Variants in ADGRA3 observed in about 807,000 individuals in gnomAD.
ADGRA3 encodes adhesion G protein-coupled receptor A3.
A neutral mutation model predicts 119.8 loss-of-function variants in ADGRA3; 56 were observed. The observed-to-expected ratio is 0.47, with a 90% CI of 0.38 to 0.58. The LOEUF is 0.58. Among genes scored for constraint, ADGRA3 ranks in the 20% least tolerant of loss-of-function variants. The pLI is 0.00. For missense variants in ADGRA3, 1,516 were observed against 1,649.0 expected, an observed-to-expected ratio of 0.92 and a Z score of 1.40; for synonymous variants, 607 against 623.8, an observed-to-expected ratio of 0.97 and a Z score of 0.40.
At chr4:22,455,390 G>A (rs951200275) in intron 3 of ADGRA3, among the ~76,000 whole-genome samples, 4 of 151,770 alleles carry the variant, frequency 2.6e-5, no homozygotes, top group East Asian at 1.9e-4. Context: ...TCATTTCCTC[G>A]GAAACATCTG....
rs141881806 is a variant in ADGRA3 at position 22,419,725 on chromosome 4, T to C, written c.1809+1161A>G. 5.0e-3 allele frequency among the ~76,000 whole-genome samples: 767 copies of C among 152,320 alleles called. 5 individuals are homozygous for C. Among genetic ancestry groups the C allele is most frequent in the Non-Finnish European group, 8.4e-3 (570 of 68,034 alleles). ...TCTCTCATGGGTTTCTCTGTGTTGC[T>C]GTTTCTAGTCTTTTATAGTATGTTT... is the stretch of plus-strand genomic sequence containing the variant. On this transcript the variant is annotated intron_variant, in intron 12 of 18. Transcript: ENST00000334304.
At chr4:22,485,353 C>G (rs1718402543) in intron 1 of ADGRA3, among the ~76,000 whole-genome samples, 1 of 152,200 alleles carries the variant, frequency 6.6e-6, no homozygotes, top group African/African-American at 2.4e-5. Context: ...CCATACCCGG[C>G]CCACACCAGA....
chr4:22,424,166 G>A (rs747322822), intron 11 of ADGRA3, 25 bp downstream of exon 11: 5 of 1,573,526 alleles, frequency 3.2e-6, no homozygotes, highest in Admixed American at 3.5e-5. Context: ...TTTTTCTCAG[G>A]AGTCTATGAT....
intron 1 of ADGRA3, among the ~76,000 whole-genome samples, chr4:22,506,369 G>A (rs1207494074): frequency 6.6e-6 from 1 of 152,108 alleles, no homozygotes; most frequent in African/African-American, 2.4e-5. Context: ...CCTAGCCAAT[G>A]TGGAGAAAAC....
chr4:22,429,776 T>C (rs542109551), intron 10 of ADGRA3, among the ~76,000 whole-genome samples: 3 of 152,310 alleles, frequency 2.0e-5, no homozygotes, highest in African/African-American at 7.2e-5. Context: ...CCCCCTACAC[T>C]GGCACTCGGC....
intron 2 of ADGRA3, among the ~76,000 whole-genome samples, chr4:22,472,195 G>A (rs894710273): frequency 6.6e-6 from 1 of 152,186 alleles, no homozygotes; most frequent in Non-Finnish European, 1.5e-5. Flanking sequence ...CTGACACTGT[G>A]TTATATGCAA....
At chr4:22,438,230 T>C in intron 8 of ADGRA3, 26 bp downstream of exon 8, 1 of 1,594,506 alleles carries the variant, frequency 6.3e-7, no homozygotes, top group Non-Finnish European at 8.6e-7. Flanking sequence ...AATTAAACTT[T>C]TCCCCGTATT....
intron 2 of ADGRA3, 139 bp from the exon 3 acceptor site, chr4:22,461,947 G>C (rs1262249633): frequency 4.2e-6 from 2 of 480,986 alleles, no homozygotes; most frequent in African/African-American, 4.0e-5. Context: ...GTTAAGCCAA[G>C]ATCAACCCAG....
intron 11 of ADGRA3, among the ~76,000 whole-genome samples, chr4:22,422,055 ACAGCCACCAGG>A (rs908574616): frequency 5.3e-5 from 8 of 152,082 alleles, no homozygotes; most frequent in African/African-American, 1.9e-4. Flanking sequence ...GTCAATACAG[ACAGCCACCAGG>A]CCCACTCGCT....
intron 2 of ADGRA3, 21 bp from the exon 3 acceptor site, chr4:22,461,829 G>T: frequency 6.6e-7 from 1 of 1,505,362 alleles, no homozygotes; most frequent in South Asian, 1.1e-5. Context: ...TAAAATAAAA[G>T]TTATTCACAT....
chr4:22,479,215 G>A (rs1324992990), intron 1 of ADGRA3, among the ~76,000 whole-genome samples: 2 of 152,254 alleles, frequency 1.3e-5, no homozygotes, highest in South Asian at 2.1e-4. Flanking sequence ...TGTAATCCCA[G>A]CACTTTGGGA....
At chr4:22,506,748 G>A (rs1056394543) in intron 1 of ADGRA3, among the ~76,000 whole-genome samples, 110 of 144,986 alleles carry the variant, frequency 7.6e-4, no homozygotes, top group Non-Finnish European at 8.0e-4. Flanking sequence ...TAGTCAAGAC[G>A]GAAAAAAAAA....
intron 1 of ADGRA3, among the ~76,000 whole-genome samples, chr4:22,482,347 T>C (rs1718283504): frequency 6.6e-6 from 1 of 152,142 alleles, no homozygotes; most frequent in Non-Finnish European, 1.5e-5. Flanking sequence ...ATATACTCAA[T>C]CATTCTTCAC....
intron 16 of ADGRA3, among the ~76,000 whole-genome samples, chr4:22,398,640 T>TA (rs35083032): frequency 4.0e-4 from 61 of 151,218 alleles, no homozygotes; most frequent in African/African-American, 1.2e-3. Context: ...TTACCTTTAT[T>TA]AAAAAAAAAC....
intron 3 of ADGRA3, among the ~76,000 whole-genome samples, chr4:22,460,077 G>A (rs374413116): frequency 2.6e-5 from 4 of 152,270 alleles, no homozygotes; most frequent in African/African-American, 9.6e-5. Context: ...CTGTTTGGAA[G>A]GCCTTTTTAA....
rs1309485967 is a variant in ADGRA3 at position 22,446,874 on chromosome 4, C to T, written c.545+566G>A. Among the ~76,000 whole-genome samples, 3 of 151,960 alleles carry T rather than the reference C, an allele frequency of 2.0e-5. No homozygotes were observed. The East Asian group carries it at 5.8e-4, about 29-fold the overall frequency. On this transcript the variant is annotated intron_variant, in intron 5 of 18. Transcript: ENST00000334304. ...CTGAAAATAGTTACTTTCAAAATAA[C>T]TTCTATGCAATCTCTCAGTTAACAA...
chr4:22,435,385 T>G lies in ADGRA3; in HGVS notation c.1369A>C (p.Lys457Gln). ...YTVEAANFSDKMDVIFVAEMI... is the reference protein window; with the variant it reads ...YTVEAANFSDQMDVIFVAEMI... ...TCTGCCACAAATATAACATCCATTT[T>G]GTCAGAAAAGTTGGCTGCTTCCACA... Residue 457 changes from lysine (K) to glutamine (Q), a missense_variant, in exon 10 of 19, where the codon AAA becomes CAA. Around this residue, in one of 2 missense-constraint regions of ADGRA3, gnomAD observed 1,088 missense variants for 1,107.1 expected, o/e 0.98. Coordinates refer to ENST00000334304, the MANE Select transcript of ADGRA3 (RefSeq NM_145290.4). 6.2e-7 allele frequency: 1 copy of G among 1,613,798 alleles called. No homozygotes were observed. The highest frequency in any genetic ancestry group is 8.5e-7 in the Non-Finnish European group (1 of 1,179,758).
At chr4:22,437,681 C>T (rs1716449235) in intron 8 of ADGRA3, among the ~76,000 whole-genome samples, 1 of 152,154 alleles carries the variant, frequency 6.6e-6, no homozygotes, top group Non-Finnish European at 1.5e-5. Context: ...ACTCCCTTTG[C>T]TTAGATTAAC....
intron 1 of ADGRA3, among the ~76,000 whole-genome samples, chr4:22,497,736 C>T (rs1372919393): frequency 3.0e-5 from 4 of 135,366 alleles, no homozygotes; most frequent in Non-Finnish European, 6.1e-5. Context: ...TTACAGTGAG[C>T]CAAGATCGCA....
Sources: gnomAD v4.1 joint callset for allele counts (sites outside exome capture counted in the v4.1 genomes callset) on GRCh38, gnomAD v4.1.1 for gene constraint, gnomAD v4.1.1 regional missense constraint, MANE v1.5 for transcripts, NCBI Gene and HGNC (gene_info 2026-07-23, HGNC 2026-07-21) for gene names.